The following NYAP2 variants were observed in gnomAD, a reference collection of about 807,000 sequenced individuals.
NYAP2 encodes neuronal tyrosine-phosphorylated phosphoinositide-3-kinase adapter 2.
In NYAP2, 23 loss-of-function variants were observed where a neutral mutation model predicts 50.4. The ratio of observed to expected loss-of-function variants is 0.46; its 90% CI spans 0.33 to 0.65. The LOEUF (loss-of-function observed/expected upper bound fraction) is 0.65. Ranked by LOEUF, NYAP2 falls within the 30% of genes least tolerant of loss-of-function variation. The pLI, the probability that NYAP2 is intolerant of heterozygous loss-of-function variation, is 0.02. For missense variants in NYAP2, 885 were observed against 861.0 expected (o/e 1.03, Z -0.35); for synonymous variants, 394 against 365.2 (o/e 1.08, Z -0.90).
At chr2:225,666,048 G>C in the NYAP2 span, among the ~76,000 whole-genome samples, 2 of 152,014 alleles carry the variant, frequency 1.3e-5, no homozygotes, top group African/African-American at 4.8e-5. Context: ...AACCTTAGAT[G>C]CCACAGCTCT....
chr2:225,581,834 G>GGCC, intron 4 of NYAP2, 107 bp from the exon 5 acceptor site: 1 of 1,055,718 alleles, frequency 9.5e-7, no homozygotes, highest in Admixed American at 2.3e-5. Flanking sequence ...GAATGAAGCT[G>GGCC]TCTACCCCTC....
chr2:225,518,752 C>G (rs891284435), intron 4 of NYAP2, among the ~76,000 whole-genome samples: 3 of 150,426 alleles, frequency 2.0e-5, no homozygotes, highest in African/African-American at 7.3e-5. Flanking sequence ...GGCATGGTGG[C>G]TTACACCTAT....
At chr2:225,666,848 GC>G in the NYAP2 span, among the ~76,000 whole-genome samples, 8 of 121,950 alleles carry the variant, frequency 6.6e-5, no homozygotes, top group East Asian at 2.4e-4. Flanking sequence ...CCCCCTCCAT[GC>G]CCCCCCACCC....
intron 6 of NYAP2, among the ~76,000 whole-genome samples, chr2:225,645,861 C>T (rs1231628781): frequency 2.0e-5 from 3 of 152,126 alleles, no homozygotes; most frequent in Non-Finnish European, 4.4e-5. Context: ...ATTGCATTTC[C>T]AAAGGTAGGT....
At chr2:225,459,740 T>A (rs1166586834) in intron 3 of NYAP2, among the ~76,000 whole-genome samples, 1 of 151,948 alleles carries the variant, frequency 6.6e-6, no homozygotes, top group African/African-American at 2.4e-5. Context: ...ACCTCCCGGG[T>A]TCTCCCCATT....
intron 5 of NYAP2, among the ~76,000 whole-genome samples, chr2:225,584,460 T>G (rs1159529593): frequency 6.6e-6 from 1 of 152,232 alleles, no homozygotes; most frequent in Non-Finnish European, 1.5e-5. Context: ...TATGTCCATT[T>G]CATTAAATTA....
chr2:225,520,705 G>A (rs562691536), intron 4 of NYAP2, among the ~76,000 whole-genome samples: 31 of 152,296 alleles, frequency 2.0e-4, no homozygotes, highest in East Asian at 1.2e-3. Context: ...ATCAGGTAGC[G>A]TGATGCCTCC....
the NYAP2 span, among the ~76,000 whole-genome samples, chr2:225,661,000 A>G: frequency 6.6e-6 from 1 of 152,148 alleles, no homozygotes; most frequent in African/African-American, 2.4e-5. Flanking sequence ...CCTTAATTCA[A>G]CCTGAGTTTC....
chr2:225,582,440 C>A lies in NYAP2; in HGVS notation c.1023C>A (p.Pro341=). Residue 341 remains proline (P), a synonymous_variant, in exon 5 of 7, where the codon CCC becomes CCA. Transcript: ENST00000636099. The surrounding 1 kb of genome is among the most constrained non-coding windows in gnomAD (Gnocchi z 7.0). ...GACCCCCGCTGCTGGTATTTCCCCC[C>A]GCCCCCGTGCATTGCTCCCCCAACT... is the stretch of plus-strand genomic sequence containing the variant. The A allele has an allele frequency of 6.4e-7, 1 of 1,566,022 alleles. No individual in the cohort carries two copies. The highest frequency in any genetic ancestry group is 8.7e-7 in the Non-Finnish European group (1 of 1,147,846).
chr2:225,693,540 A>C, the NYAP2 span, among the ~76,000 whole-genome samples: 5 of 151,994 alleles, frequency 3.3e-5, no homozygotes, highest in Non-Finnish European at 2.9e-5. Context: ...TAAACAACAA[A>C]AAGTTATTTT....
rs550926452 is a variant in NYAP2 at position 225,449,451 on chromosome 2, A to C, written c.221+40350A>C. Among the ~76,000 whole-genome samples, 7 of 152,316 alleles carry C rather than the reference A, an allele frequency of 4.6e-5. 1 individual carries two copies. The South Asian group carries it at 1.5e-3, about 32-fold the overall frequency. The stretch of plus-strand genomic sequence containing the variant: ...ACAGCTGATTCTTGATATTGCAAAA[A>C]CCGCAGTGAAGAGTGATAATATGAG... On this transcript the variant is annotated intron_variant, in intron 3 of 6. Coordinates refer to ENST00000636099, the Ensembl canonical transcript of NYAP2.
chr2:225,435,586 T>G (rs905613613), intron 3 of NYAP2, among the ~76,000 whole-genome samples: 1 of 152,244 alleles, frequency 6.6e-6, no homozygotes. Flanking sequence ...CAGAATAAAT[T>G]GTGTATCATT....
chr2:225,589,516 A>AAAAAATATATATATATATAT (rs112700820), intron 5 of NYAP2, among the ~76,000 whole-genome samples: 3 of 71,340 alleles, frequency 4.2e-5, no homozygotes, highest in South Asian at 1.1e-3. Context: ...CTAAAAGTAA[A>AAAAAATATATATATATATAT]ATATATATAT....
chr2:225,520,880 T>C (rs1574656328), intron 4 of NYAP2, among the ~76,000 whole-genome samples: 11 of 152,110 alleles, frequency 7.2e-5, no homozygotes, highest in Admixed American at 5.2e-4. Flanking sequence ...GCCATTTTCA[T>C]GGTATTGATT....
chr2:225,526,164 T>A (rs1691146636), intron 4 of NYAP2, among the ~76,000 whole-genome samples: 1 of 152,230 alleles, frequency 6.6e-6, no homozygotes, highest in Non-Finnish European at 1.5e-5. Flanking sequence ...GGATTCTGGC[T>A]GTGCCCAGAC....
chr2:225,671,706 T>A, the NYAP2 span, among the ~76,000 whole-genome samples: 2 of 152,180 alleles, frequency 1.3e-5, no homozygotes, highest in African/African-American at 4.8e-5. Context: ...AATGAATCAC[T>A]ATCTGTGGCA....
intron 3 of NYAP2, among the ~76,000 whole-genome samples, chr2:225,412,670 A>G (rs1695066474): frequency 6.6e-6 from 1 of 152,138 alleles, no homozygotes; most frequent in Non-Finnish European, 1.5e-5. Context: ...GAAAGGTGGA[A>G]TTAAAGAACA....
intron 4 of NYAP2, among the ~76,000 whole-genome samples, chr2:225,516,210 A>C (rs1157324): frequency 0.61 from 92,191 of 151,918 alleles, 29,187 homozygotes; most frequent in African/African-American, 0.79. Flanking sequence ...GGCAGAGAGT[A>C]TCATAATTCT....
chr2:225,610,652 C>T (rs1692865984), intron 5 of NYAP2, among the ~76,000 whole-genome samples: 1 of 152,086 alleles, frequency 6.6e-6, no homozygotes, highest in Non-Finnish European at 1.5e-5. Flanking sequence ...GATAGATATT[C>T]TGAATTTCAG....
Sources: gnomAD v4.1 joint callset for allele counts (sites outside exome capture counted in the v4.1 genomes callset) on GRCh38, gnomAD v4.1.1 for gene constraint, Gnocchi (gnomAD v3.1) non-coding constraint, MANE v1.5 for transcripts, NCBI Gene and HGNC (gene_info 2026-07-23, HGNC 2026-07-21) for gene names.